The following HERC1 variants were observed in gnomAD, a reference collection of about 807,000 sequenced individuals.
The protein encoded by HERC1 is probable E3 ubiquitin-protein ligase HERC1.
A neutral mutation model predicts 554.3 loss-of-function variants in HERC1; 160 were observed. The ratio of observed to expected loss-of-function variants is 0.29; its 90% CI spans 0.25 to 0.33. HERC1 has a LOEUF of 0.33. HERC1 is among the 10% of genes least tolerant of loss of function. HERC1 has a pLI of 1.00. For missense variants in HERC1, 4,919 were observed against 5,918.5 expected (o/e 0.83, Z 5.54); for synonymous variants, 2,175 against 2,131.7 (o/e 1.02, Z -0.56).
intron 1 of HERC1, among the ~76,000 whole-genome samples, chr15:63,792,272 G>C (rs2076675510): frequency 6.6e-6 from 1 of 152,014 alleles, no homozygotes; most frequent in South Asian, 2.1e-4. Context: ...AAAAATAAGG[G>C]ATTTGAATAA....
intron 26 of HERC1, among the ~76,000 whole-genome samples, chr15:63,697,450 A>ATTTTTTTT (rs35244420): frequency 9.2e-6 from 1 of 108,498 alleles, no homozygotes; most frequent in Non-Finnish European, 1.9e-5. Context: ...GTTAATCTTG[A>ATTTTTTTT]TTTTTTTTTT....
Position 63,720,103 on chromosome 15 carries a change from C to CTTTTTTTTTT in HERC1, c.3743-1216_3743-1207dup, listed in dbSNP as rs573648232. 5.0e-4 allele frequency among the ~76,000 whole-genome samples: 36 copies of CTTTTTTTTTT among 71,584 alleles called. 5 individuals are homozygous for CTTTTTTTTTT. The highest frequency in any genetic ancestry group is 8.4e-4 in the African/African-American group (14 of 16,610). The allele number at this position is 71,584 out of a possible 152,430, so 47.0% of individuals were successfully genotyped here. ...GGACTAGTCAGGTGCTTTTTCTTCC[C>CTTTTTTTTTT]TTTTTTTTTTTTTTTAAGAGACAGG... is the stretch of plus-strand genomic sequence containing the variant. On this transcript the variant is annotated intron_variant, in intron 19 of 77. Coordinates refer to ENST00000443617, the MANE Select transcript of HERC1 (RefSeq NM_003922.4).
intron 52 of HERC1, 79 bp downstream of exon 52, chr15:63,652,335 A>T (rs2069736052): frequency 7.4e-7 from 1 of 1,350,106 alleles, no homozygotes; most frequent in African/African-American, 1.5e-5. Context: ...TGACAATATG[A>T]TTACATTAAC....
At chr15:63,822,042 G>C (rs2077718597) in intron 1 of HERC1, among the ~76,000 whole-genome samples, 1 of 151,964 alleles carries the variant, frequency 6.6e-6, no homozygotes, top group African/African-American at 2.4e-5. Context: ...TCTCTACAGG[G>C]GTGAAGTCTG....
At chr15:63,688,770 G>A (rs2071931084) in intron 33 of HERC1, among the ~76,000 whole-genome samples, 1 of 152,152 alleles carries the variant, frequency 6.6e-6, no homozygotes, top group Non-Finnish European at 1.5e-5. Flanking sequence ...AATCAATGGA[G>A]GCTAGTGACT....
intron 1 of HERC1, among the ~76,000 whole-genome samples, chr15:63,791,475 C>CT (rs2076652176): frequency 6.6e-6 from 1 of 152,094 alleles, no homozygotes; most frequent in Non-Finnish European, 1.5e-5. Context: ...AAGGGATGAT[C>CT]TTTTTCAAAA....
rs369893822 is a variant in HERC1, at chr15:63,658,675, C to T, written c.9468G>A (p.Thr3156=). The T allele has an allele frequency of 2.7e-5, 44 of 1,613,840 alleles. No individual in the cohort carries two copies. The highest frequency in any genetic ancestry group is 2.4e-4 in the African/African-American group (18 of 75,062). ...CTAGGGCAGCTGCCTGCTCTCCTAA[C>T]GTTATTCTCCCAGAGGAGCTCTTTT... is the stretch of plus-strand genomic sequence containing the variant. ...SVEKSSSGRI[T]LGEQAAALAN... Residue 3156 remains threonine, a synonymous_variant, in exon 48 of 78, where the codon ACG becomes ACA. Transcript: ENST00000443617.
At chr15:63,682,196 T>C (rs148340070) in intron 34 of HERC1, among the ~76,000 whole-genome samples, 17 of 152,344 alleles carry the variant, frequency 1.1e-4, no homozygotes, top group East Asian at 3.9e-4. Context: ...TGGACTGCTA[T>C]CTGTTGTGAG....
chr15:63,705,306 T>C (rs1038667927), intron 25 of HERC1, among the ~76,000 whole-genome samples: 1 of 151,838 alleles, frequency 6.6e-6, no homozygotes, highest in South Asian at 2.1e-4. Flanking sequence ...GGTGCATGCA[T>C]CCACGCCTAG....
chr15:63,628,779 T>C lies in HERC1; in HGVS notation c.13003A>G (p.Thr4335Ala), dbSNP rs978624353. ...LGHTNHVREPTLVTGLQGKNV... is the reference protein window; with the variant it reads ...LGHTNHVREPALVTGLQGKNV... Reference sequence around the variant, plus strand: ...TTCCCTTGCAGACCTGTTACCAGGGTTGGTTCTCGAACATGGTTGGTATGG... The same window carrying C: ...TTCCCTTGCAGACCTGTTACCAGGGCTGGTTCTCGAACATGGTTGGTATGG... The change falls in exon 70 of 78, where the codon ACC becomes GCC. Residue 4335 changes from threonine (T) to alanine (A), a missense_variant. Thr to Ala is a moderately conservative substitution (Grantham distance 58, BLOSUM62 0). Transcript: ENST00000443617. 1.2e-6 allele frequency: 2 copies of C among 1,613,950 alleles called. No homozygotes were observed. The highest frequency in any genetic ancestry group is 1.7e-6 in the Non-Finnish European group (2 of 1,179,878).
chr15:63,695,443 T>C (rs1175504293), intron 27 of HERC1, among the ~76,000 whole-genome samples: 1 of 147,078 alleles, frequency 6.8e-6, no homozygotes, highest in Non-Finnish European at 1.5e-5. Flanking sequence ...TGGAGTGTAG[T>C]GGGGTGATCT....
chr15:63,734,024 G>A lies in HERC1; in HGVS notation c.2646+700C>T, dbSNP rs35258975. ...TAAAAATAAGAAAAAAAAATTAGCC[G>A]GGTGTGGTGGCACGTGCCAGCAGTC... On this transcript the variant is annotated intron_variant, in intron 13 of 77. Transcript: ENST00000443617. This position sits in a 1 kb window ranked among gnomAD's most constrained non-coding sequence, Gnocchi z 4.6. 8.7e-3 allele frequency among the ~76,000 whole-genome samples: 1,320 copies of A among 152,002 alleles called. 5 individuals carry two copies. Among genetic ancestry groups the A allele is most frequent in the Non-Finnish European group, 0.014 (928 of 67,946 alleles).
chr15:63,643,571 C>A lies in HERC1; in HGVS notation c.11185-21G>T, dbSNP rs374223563. 7.6e-5 allele frequency: 114 copies of A among 1,507,112 alleles called. No individual in the cohort carries two copies. In the South Asian group the frequency reaches 1.3e-3, roughly 17 times the overall value. The allele number at this position is 1,507,112 out of a possible 1,614,324, so 93.4% of individuals were successfully genotyped here. A position where few individuals can be genotyped will look rare whatever the true frequency, so the allele number is the denominator to read the frequency against. ...CCATCCTGAAATTCATTATTTTTAA[C>A]ATGCATTAAAATAAAGATAAATTAT... On this transcript the variant is annotated intron_variant, in intron 57 of 77. Coordinates refer to ENST00000443617, the MANE Select transcript of HERC1 (RefSeq NM_003922.4).
At chr15:63,744,152 GTGTGTGTGTGTGTCTCTCTCTC>G (rs2074952991) in intron 12 of HERC1, among the ~76,000 whole-genome samples, 2 of 41,606 alleles carry the variant, frequency 4.8e-5, no homozygotes, top group African/African-American at 1.4e-4. Flanking sequence ...GTGTGTGTGT[GTGTGTGTGTGTGTCTCTCTCTC>G]TCTCTCTCTC....
intron 36 of HERC1, among the ~76,000 whole-genome samples, chr15:63,678,606 G>A (rs998305192): frequency 6.6e-6 from 1 of 152,072 alleles, no homozygotes; most frequent in Non-Finnish European, 1.5e-5. Flanking sequence ...ATGAATTCCA[G>A]AGATGTTAGG....
Position 63,661,915 on chromosome 15 carries a change from C to T in HERC1, c.9008G>A (p.Gly3003Glu), listed in dbSNP as rs769071355. The change falls in exon 45 of 78, where the codon GGG becomes GAG. Residue 3003 changes from glycine to glutamate, a missense_variant. Around this residue, in one of 11 missense-constraint regions of HERC1, gnomAD observed 1,963 missense variants for 2,228.6 expected, o/e 0.88. Transcript: ENST00000443617. ...QHMKRNHPGCGRSANRQGYRS... is the reference protein window; with the variant it reads ...QHMKRNHPGCERSANRQGYRS... The stretch of plus-strand genomic sequence containing the variant: ...ATAGCCCTGGCGGTTTGCACTGCGC[C>T]CACAGCCTGGATGGTTTCTCTTCAT... The T allele has an allele frequency of 1.9e-6, 3 of 1,613,950 alleles. No individual in the cohort carries two copies. The highest frequency in any genetic ancestry group is 2.5e-6 in the Non-Finnish European group (3 of 1,179,886).
intron 13 of HERC1, 127 bp from the exon 14 acceptor site, chr15:63,733,272 A>T (rs1007458169): frequency 1.6e-6 from 1 of 644,154 alleles, no homozygotes; most frequent in Non-Finnish European, 2.7e-6. Flanking sequence ...TTCAGGAAGT[A>T]CATAATTATA....
At chr15:63,671,907 T>C (rs1365399175) in intron 39 of HERC1, among the ~76,000 whole-genome samples, 1 of 152,236 alleles carries the variant, frequency 6.6e-6, no homozygotes, top group Non-Finnish European at 1.5e-5. Flanking sequence ...CTGAAGGCTC[T>C]TCTCTCAAAA....
At chr15:63,627,862 CA>C (rs547619265) in intron 70 of HERC1, among the ~76,000 whole-genome samples, 1 of 152,050 alleles carries the variant, frequency 6.6e-6, no homozygotes, top group Admixed American at 6.6e-5. Context: ...TGTAGCTATA[CA>C]AAAATTTCAT....
Sources: gnomAD v4.1 joint callset for allele counts (sites outside exome capture counted in the v4.1 genomes callset) on GRCh38, gnomAD v4.1.1 for gene constraint, gnomAD v4.1.1 regional missense constraint, Gnocchi (gnomAD v3.1) non-coding constraint, MANE v1.5 for transcripts, NCBI Gene and HGNC (gene_info 2026-07-23, HGNC 2026-07-21) for gene names.